CD5: variants seen among roughly 807,000 people sequenced by gnomAD.
The protein encoded by CD5 is T-cell surface glycoprotein CD5.
CD5 carries 36 observed loss-of-function variants against 60.3 expected under a neutral mutation model. That is an observed-to-expected ratio of 0.60 (90% CI 0.46 to 0.79). CD5 has a LOEUF of 0.79. CD5 is among the 30% of genes least tolerant of loss of function. The pLI is 0.00. For synonymous variants in CD5, 230 were observed against 257.6 expected (o/e 0.89, Z 1.03); for missense variants, 540 against 630.6 (o/e 0.86, Z 1.54).
chr11:61,116,637 CCACA>C (rs1565185114), intron 2 of CD5, among the ~76,000 whole-genome samples: 6 of 140,558 alleles, frequency 4.3e-5, no homozygotes, highest in Admixed American at 1.4e-4. Context: ...ACCACACACA[CCACA>C]CACACCCCAC....
chr11:61,107,833 G>A (rs1030932035), intron 1 of CD5, among the ~76,000 whole-genome samples: 3 of 152,150 alleles, frequency 2.0e-5, no homozygotes, highest in Admixed American at 2.0e-4. Flanking sequence ...ATGGGTGGTG[G>A]CAGTCTGCAG....
chr11:61,107,657 A>T (rs945296965), intron 1 of CD5, among the ~76,000 whole-genome samples: 3 of 152,208 alleles, frequency 2.0e-5, no homozygotes, highest in African/African-American at 7.2e-5. Context: ...TTTGAATTGC[A>T]GATAAGAGAC....
chr11:61,097,653 A>AT (rs1860602861), upstream of CD5, among the ~76,000 whole-genome samples: 1 of 152,176 alleles, frequency 6.6e-6, no homozygotes, highest in Non-Finnish European at 1.5e-5. Flanking sequence ...CCAACTGCCC[A>AT]TAAAAACAGG....
intron 2 of CD5, among the ~76,000 whole-genome samples, chr11:61,115,854 C>T (rs915063848): frequency 6.6e-6 from 1 of 152,218 alleles, no homozygotes; most frequent in Non-Finnish European, 1.5e-5. Context: ...GGGCCCTGCA[C>T]TGACATCCTA....
chr11:61,120,947 A>C (rs1861049993), intron 5 of CD5, among the ~76,000 whole-genome samples: 1 of 152,226 alleles, frequency 6.6e-6, no homozygotes, highest in Non-Finnish European at 1.5e-5. Flanking sequence ...TGCTATGGGA[A>C]CTGGGCAAAG....
intron 1 of CD5, among the ~76,000 whole-genome samples, chr11:61,103,563 T>C (rs1322417943): frequency 1.4e-5 from 2 of 144,488 alleles, no homozygotes; most frequent in Non-Finnish European, 1.5e-5. Flanking sequence ...TCTGTGTGCA[T>C]GTGTGTGAGA....
At chr11:61,102,417 G>T, upstream of CD5, 1 of 624,968 alleles carries the variant, frequency 1.6e-6, no homozygotes, top group Non-Finnish European at 2.8e-6. Flanking sequence ...GGGTGACGCA[G>T]GCCCCACACT....
intron 1 of CD5, among the ~76,000 whole-genome samples, chr11:61,105,423 G>A (rs1378444319): frequency 6.6e-6 from 1 of 152,118 alleles, no homozygotes; most frequent in Non-Finnish European, 1.5e-5. Flanking sequence ...CCGTAAACTG[G>A]GTGCAACAGT....
intron 1 of CD5, among the ~76,000 whole-genome samples, chr11:61,111,989 G>A (rs897172790): frequency 2.1e-4 from 32 of 152,198 alleles, no homozygotes; most frequent in African/African-American, 4.3e-4. Flanking sequence ...CAGGACAGAC[G>A]TGCTCCCCAG....
At chr11:61,119,212 C>G (rs754800765) in intron 4 of CD5, 22 bp from the exon 5 acceptor site, 2 of 1,559,706 alleles carry the variant, frequency 1.3e-6, no homozygotes, top group East Asian at 2.2e-5. Context: ...GTGGCTCCCC[C>G]TCCTGCTCTC....
intron 1 of CD5, among the ~76,000 whole-genome samples, chr11:61,108,124 C>T (rs1590767244): frequency 1.3e-5 from 2 of 152,202 alleles, no homozygotes; most frequent in Non-Finnish European, 2.9e-5. Context: ...CCCTTCTTCA[C>T]AGGGCTGTGG....
chr11:61,122,843 C>G, intron 6 of CD5, 64 bp from the exon 7 acceptor site: 36 of 1,507,214 alleles, frequency 2.4e-5, no homozygotes, highest in Non-Finnish European at 3.0e-5. Flanking sequence ...CAGCCAGCAG[C>G]TTCCCTCCCA....
chr11:61,105,243 G>A (rs1008403523), intron 1 of CD5, among the ~76,000 whole-genome samples: 10 of 152,214 alleles, frequency 6.6e-5, no homozygotes, highest in African/African-American at 9.7e-5. Flanking sequence ...GCAGTGAGGC[G>A]GGGAAGCGGC....
upstream of CD5, among the ~76,000 whole-genome samples, chr11:61,098,630 C>A (rs1341024157): frequency 6.6e-6 from 1 of 152,152 alleles, no homozygotes; most frequent in African/African-American, 2.4e-5. Flanking sequence ...GTGCATGCAG[C>A]CCCCAGTCAT....
the CD5 span, among the ~76,000 whole-genome samples, chr11:61,095,809 A>G: frequency 3.3e-5 from 5 of 152,230 alleles, no homozygotes; most frequent in African/African-American, 9.6e-5. Flanking sequence ...GCACAATTCT[A>G]TGAAAGACTG....
Position 61,118,541 on chromosome 11 carries a change from C to T in CD5, c.400+61C>T. On this transcript the variant is annotated intron_variant, in intron 3 of 10. Transcript: ENST00000347785. This position sits in a 1 kb window ranked among gnomAD's most constrained non-coding sequence, Gnocchi z 4.7. Reference sequence around the variant, plus strand: ...CTGGGCGCCAGCCCCGAGGAGACTGCCCGAGGCCTGTGATCTAGGGTCTGA... The same window carrying T: ...CTGGGCGCCAGCCCCGAGGAGACTGTCCGAGGCCTGTGATCTAGGGTCTGA... 6.5e-7 allele frequency: 1 copy of T among 1,529,972 alleles called. No individual in the cohort carries two copies. Among genetic ancestry groups the T allele is most frequent in the East Asian group, 2.3e-5 (1 of 44,396 alleles). 94.8% of individuals were successfully genotyped at this position (1,529,972 alleles called of 1,614,324 possible).
chr11:61,115,812 A>G (rs1343304973), intron 2 of CD5, among the ~76,000 whole-genome samples: 1 of 152,208 alleles, frequency 6.6e-6, no homozygotes, highest in Non-Finnish European at 1.5e-5. Flanking sequence ...AGAGGGGGTG[A>G]CAGGGGCCTT....
intron 1 of CD5, among the ~76,000 whole-genome samples, chr11:61,114,812 G>A (rs116739984): frequency 0.02 from 3,001 of 152,044 alleles, 101 homozygotes; most frequent in African/African-American, 0.067. Flanking sequence ...TCAATTTCAC[G>A]TCTGTTCATT....
At chr11:61,119,079 T>C in intron 4 of CD5, 102 bp downstream of exon 4, 1 of 1,212,120 alleles carries the variant, frequency 8.3e-7, no homozygotes, top group African/African-American at 1.5e-5. Flanking sequence ...AAATGTTTAG[T>C]ATTGGTGTGT....
Sources: gnomAD v4.1 joint callset for allele counts (sites outside exome capture counted in the v4.1 genomes callset) on GRCh38, gnomAD v4.1.1 for gene constraint, Gnocchi (gnomAD v3.1) non-coding constraint, MANE v1.5 for transcripts, NCBI Gene and HGNC (gene_info 2026-07-23, HGNC 2026-07-21) for gene names.